The following ETV6 variants were observed in gnomAD, a reference collection of about 807,000 sequenced individuals.
The protein encoded by ETV6 is transcription factor ETV6.
ETV6 carries 16 observed loss-of-function variants against 51.1 expected under a neutral mutation model. The ratio of observed to expected loss-of-function variants is 0.31; its 90% confidence interval spans 0.21 to 0.48. ETV6 has a LOEUF of 0.48. ETV6 is among the 20% of genes least tolerant of loss of function. The pLI is 0.99. For synonymous variants in ETV6, 240 were observed against 224.1 expected (o/e 1.07, Z -0.64); for missense variants, 458 against 594.8 (o/e 0.77, Z 2.39).
intron 2 of ETV6, among the ~76,000 whole-genome samples, chr12:11,777,132 C>T (rs1455267625): frequency 2.7e-5 from 4 of 146,856 alleles, no homozygotes; most frequent in Non-Finnish European, 5.9e-5. Context: ...CCCAGCTACT[C>T]GGGAGGCTGA....
intron 1 of ETV6, among the ~76,000 whole-genome samples, chr12:11,716,234 G>A (rs1865274372): frequency 6.7e-6 from 1 of 148,418 alleles, no homozygotes; most frequent in Admixed American, 6.8e-5. Flanking sequence ...GGGAGGCTGA[G>A]GCAGGAGAAT....
chr12:11,772,787 A>G (rs890300675), intron 2 of ETV6, among the ~76,000 whole-genome samples: 2 of 152,220 alleles, frequency 1.3e-5, no homozygotes, highest in African/African-American at 4.8e-5. Context: ...TTCAATCAAC[A>G]AAAGCCTAAA....
At chr12:11,837,389 C>CA (rs1277962922) in intron 2 of ETV6, among the ~76,000 whole-genome samples, 19 of 151,916 alleles carry the variant, frequency 1.3e-4, no homozygotes, top group African/African-American at 4.6e-4. Flanking sequence ...TGGTGCACTA[C>CA]AAAAAAGGAA....
chr12:11,756,459 A>G (rs931906966), intron 2 of ETV6, among the ~76,000 whole-genome samples: 1 of 152,186 alleles, frequency 6.6e-6, no homozygotes, highest in East Asian at 1.9e-4. Context: ...GCCGAAGTAC[A>G]ATTACAGTAG....
chr12:11,715,140 G>A (rs916836988), intron 1 of ETV6, among the ~76,000 whole-genome samples: 20 of 152,284 alleles, frequency 1.3e-4, no homozygotes, highest in Admixed American at 1.0e-3. Context: ...CATCAAATTC[G>A]ATAGTTCTAT....
chr12:11,805,354 T>C (rs1264322452), intron 2 of ETV6, among the ~76,000 whole-genome samples: 1 of 152,236 alleles, frequency 6.6e-6, no homozygotes, highest in African/African-American at 2.4e-5. Context: ...TTGTTTCCTC[T>C]CCCATTCTGT....
intron 1 of ETV6, among the ~76,000 whole-genome samples, chr12:11,684,300 A>T (rs1400274579): frequency 6.6e-6 from 1 of 152,266 alleles, no homozygotes; most frequent in Non-Finnish European, 1.5e-5. Context: ...TTGAAATGTT[A>T]CTAATTTGAC....
chr12:11,757,521 A>G (rs1271274769), intron 2 of ETV6, among the ~76,000 whole-genome samples: 1 of 151,738 alleles, frequency 6.6e-6, no homozygotes, highest in African/African-American at 2.4e-5. Context: ...TTATTGTCTC[A>G]CTTAATTGTA....
intron 1 of ETV6, among the ~76,000 whole-genome samples, chr12:11,652,550 G>A (rs1451800674): frequency 6.6e-6 from 1 of 152,126 alleles, no homozygotes; most frequent in African/African-American, 2.4e-5. Flanking sequence ...CTGATATACC[G>A]AACTCCTGTG....
intron 3 of ETV6, among the ~76,000 whole-genome samples, chr12:11,839,711 C>T (rs1304876174): frequency 2.0e-5 from 3 of 152,146 alleles, no homozygotes; most frequent in African/African-American, 7.2e-5. Context: ...AAAACCTCAA[C>T]TCTACAGAAA....
intron 6 of ETV6, among the ~76,000 whole-genome samples, chr12:11,885,653 A>G (rs1947172268): frequency 6.6e-6 from 1 of 152,232 alleles, no homozygotes; most frequent in African/African-American, 2.4e-5. Flanking sequence ...CGAGGCTGCT[A>G]TGGGATCTGC....
chr12:11,744,878 A>G (rs1260551527), intron 1 of ETV6, among the ~76,000 whole-genome samples: 1 of 151,714 alleles, frequency 6.6e-6, no homozygotes, highest in Non-Finnish European at 1.5e-5. Flanking sequence ...TCCGCTTACT[A>G]TCCATGTTAG....
chr12:11,846,517 TATA>T (rs1214459365), intron 3 of ETV6, among the ~76,000 whole-genome samples: 1 of 152,074 alleles, frequency 6.6e-6, no homozygotes, highest in African/African-American at 2.4e-5. Flanking sequence ...ACAAGTAGCG[TATA>T]ATAAGAACGT....
chr12:11,770,113 T>C (rs989947468), intron 2 of ETV6, among the ~76,000 whole-genome samples: 2 of 152,210 alleles, frequency 1.3e-5, no homozygotes, highest in African/African-American at 4.8e-5. Flanking sequence ...ATCTTCTTCA[T>C]AGCCGTTGCT....
At chr12:11,711,886 G>T (rs1865179805) in intron 1 of ETV6, among the ~76,000 whole-genome samples, 1 of 152,114 alleles carries the variant, frequency 6.6e-6, no homozygotes. Context: ...TCCCCCCGTG[G>T]GTGGAATTGC....
At chr12:11,867,304 A>G (rs1182355449) in intron 4 of ETV6, among the ~76,000 whole-genome samples, 1 of 152,166 alleles carries the variant, frequency 6.6e-6, no homozygotes, top group East Asian at 1.9e-4. Context: ...ATCTAACCAT[A>G]GATTCTGATG....
At chr12:11,810,564 T>G (rs1945898706) in intron 2 of ETV6, among the ~76,000 whole-genome samples, 1 of 152,078 alleles carries the variant, frequency 6.6e-6, no homozygotes, top group South Asian at 2.1e-4. Context: ...GAAACCACAC[T>G]GAAATAAAAA....
At chr12:11,680,319 C>A (rs1262188721) in intron 1 of ETV6, among the ~76,000 whole-genome samples, 1 of 152,156 alleles carries the variant, frequency 6.6e-6, no homozygotes, top group Non-Finnish European at 1.5e-5. Context: ...GCAAAGTGTA[C>A]CCATGTATGT....
At position 11,869,839 on chromosome 12, in the gene ETV6, C is replaced by T. The variant is rs767369973; in HGVS notation, c.879C>T (p.Ser293=). ...HSVDFKQSRL[S]EDGLHREGKP... ...TGGATTTCAAACAGTCCAGGCTCTCCGAGGACGGGCTGCATAGGGAAGGGA... is the reference window on the plus strand; with the variant it reads ...TGGATTTCAAACAGTCCAGGCTCTCTGAGGACGGGCTGCATAGGGAAGGGA... Residue 293 remains serine, a synonymous_variant, in exon 5 of 8, where the codon TCC becomes TCT. Transcript: ENST00000396373. This position sits in a 1 kb window ranked among gnomAD's most constrained non-coding sequence, Gnocchi z 5.0. 106 of 1,613,234 alleles carry T rather than the reference C, an allele frequency of 6.6e-5. No individual in the cohort carries two copies. The highest frequency in any genetic ancestry group is 3.3e-4 in the Middle Eastern group (2 of 6,084).
Sources: gnomAD v4.1 joint callset for allele counts (sites outside exome capture counted in the v4.1 genomes callset) on GRCh38, gnomAD v4.1.1 for gene constraint, Gnocchi (gnomAD v3.1) non-coding constraint, MANE v1.5 for transcripts, NCBI Gene and HGNC (gene_info 2026-07-23, HGNC 2026-07-21) for gene names.